The following PITPNM3 variants were observed in gnomAD, a reference collection of about 807,000 sequenced individuals.
PITPNM3 encodes the protein PITPNM family member 3, also known as membrane-associated phosphatidylinositol transfer protein 3.
A neutral mutation model predicts 102.0 loss-of-function variants in PITPNM3; 26 were observed. That is an observed-to-expected ratio of 0.25 (90% CI 0.19 to 0.35). PITPNM3 has a LOEUF of 0.35. Among genes scored for constraint, PITPNM3 ranks in the 10% least tolerant of loss-of-function variants. The probability of loss-of-function intolerance (pLI) is 1.00; values close to 1 mark genes in which losing one functional copy is unlikely to be tolerated. For missense variants in PITPNM3, 1,083 were observed against 1,346.1 expected, an observed-to-expected ratio of 0.80 and a Z score of 3.06; for synonymous variants, 578 against 558.6, an observed-to-expected ratio of 1.03 and a Z score of -0.49.
chr17:6,463,598 C>T (rs550546695), intron 17 of PITPNM3, 134 bp downstream of exon 17: 13 of 1,307,522 alleles, frequency 9.9e-6, no homozygotes, highest in Middle Eastern at 2.7e-4. Context: ...GGAGGTAAAG[C>T]CAGGGCTTCT....
At chr17:6,553,102 C>T (rs1391433391) in intron 1 of PITPNM3, among the ~76,000 whole-genome samples, 1 of 152,092 alleles carries the variant, frequency 6.6e-6, no homozygotes, top group African/African-American at 2.4e-5. Context: ...CTGTGCCAGC[C>T]TTTAGGGCCC....
intron 4 of PITPNM3, 30 bp downstream of exon 4, chr17:6,503,497 A>C (rs1567679109): frequency 6.2e-7 from 1 of 1,609,676 alleles, no homozygotes; most frequent in Admixed American, 1.7e-5. Flanking sequence ...AAGGGGAAGA[A>C]ATGACCCCAC....
Position 6,451,873 on chromosome 17 carries a change from A to ACCCCCCC in PITPNM3, c.*3458_*3464dup, listed in dbSNP as rs750929247. ...GGTTTCCAGGGCACTTGGCACCCAA[A>ACCCCCCC]CCCCCCCCCCCCGCCCGCCGATGGG... On this transcript the variant is annotated 3_prime_UTR_variant, in exon 20 of 20. Transcript: ENST00000262483. The ACCCCCCC allele has an allele frequency of 2.3e-5, 1 of 43,940 alleles. No homozygotes were observed. The highest frequency in any genetic ancestry group is 4.6e-5 in the Non-Finnish European group (1 of 21,662). The allele number at this position is 43,940 out of a possible 1,614,324, so 2.7% of individuals were successfully genotyped here.
At chr17:6,476,187 G>A (rs1418558436) in intron 9 of PITPNM3, among the ~76,000 whole-genome samples, 1 of 152,048 alleles carries the variant, frequency 6.6e-6, no homozygotes, top group African/African-American at 2.4e-5. Context: ...GATCTTAAAA[G>A]CATGTAGAAG....
At position 6,463,797 on chromosome 17, in the gene PITPNM3, G is replaced by A. The variant is rs370579576; in HGVS notation, c.2241C>T (p.Phe747=). Residue 747 remains phenylalanine (F), a synonymous_variant, in exon 17 of 20, where the codon TTC becomes TTT. Coordinates refer to ENST00000262483, the MANE Select transcript of PITPNM3 (RefSeq NM_031220.4). ...TTCCCATGATAGACACGCTGGCCGC[G>A]AAGGACCCATCAATGCTGAACACTA... The part of the protein sequence containing the change: ...ECVVFSIDGS[F]AASVSIMGSD... 90 of 1,613,328 alleles carry A rather than the reference G, an allele frequency of 5.6e-5. No homozygotes were observed. Among genetic ancestry groups the A allele is most frequent in the Middle Eastern group, 1.8e-4 (1 of 5,598 alleles).
At chr17:6,512,210 G>C (rs761949240) in intron 3 of PITPNM3, among the ~76,000 whole-genome samples, 3 of 152,162 alleles carry the variant, frequency 2.0e-5, no homozygotes, top group Non-Finnish European at 4.4e-5. Flanking sequence ...GAAGCAACTG[G>C]CTCAACTCAC....
rs1914158918 is a variant in PITPNM3, at chr17:6,457,370, C to T, written c.2619+224G>A. Among the ~76,000 whole-genome samples the T allele has an allele frequency of 6.6e-6, 1 of 152,240 alleles. No homozygotes were observed. Among genetic ancestry groups the T allele is most frequent in the Non-Finnish European group, 1.5e-5 (1 of 68,042 alleles). Reference sequence around the variant, plus strand: ...CCAACTGCAAATGTGTCCATCTCGCCACTACACTGAAGTTCATTGCATCTG... The same window carrying T: ...CCAACTGCAAATGTGTCCATCTCGCTACTACACTGAAGTTCATTGCATCTG... On this transcript the variant is annotated intron_variant, in intron 19 of 19. Coordinates refer to ENST00000262483, the MANE Select transcript of PITPNM3 (RefSeq NM_031220.4). The surrounding 1 kb of genome is among the most constrained non-coding windows in gnomAD (Gnocchi z 4.7).
In PITPNM3 at chr17:6,536,178, G is replaced by T. The variant is rs976426945; in HGVS notation, c.118+1809C>A. On this transcript the variant is annotated intron_variant, in intron 2 of 19. Transcript: ENST00000262483. ...GGCCGATTTCACGGCAGAACAAGCCGTGAGATGGGAGGGAGAGGACAGAGA... is the reference window on the plus strand; with the variant it reads ...GGCCGATTTCACGGCAGAACAAGCCTTGAGATGGGAGGGAGAGGACAGAGA... Among the ~76,000 whole-genome samples, 3 of 152,286 alleles carry T rather than the reference G, an allele frequency of 2.0e-5. 1 individual carries two copies. The Middle Eastern group carries it at 0.01, about 518-fold the overall frequency.
chr17:6,501,667 C>T (rs755663282), intron 4 of PITPNM3, among the ~76,000 whole-genome samples: 2 of 152,282 alleles, frequency 1.3e-5, no homozygotes, highest in Non-Finnish European at 2.9e-5. Context: ...CTGCCCACCA[C>T]CTCCCTGGGC....
chr17:6,464,682 G>A lies in PITPNM3; in HGVS notation c.1980C>T (p.Leu660=), dbSNP rs750855285. 1.2e-5 allele frequency: 19 copies of A among 1,613,970 alleles called. No individual in the cohort carries two copies. The highest frequency in any genetic ancestry group is 2.2e-5 in the East Asian group (1 of 44,894). Residue 660 remains leucine, a synonymous_variant, in exon 15 of 20, where the codon CTC becomes CTT. Transcript: ENST00000262483. ...TCTCTCCAGTCAGAGCCACCATGTC[G>A]AGGGGCCCGTACATGAACCGCCCCA... The part of the protein sequence containing the change: ...VLVGRFMYGP[L]DMVALTGEKV...
Position 6,478,055 on chromosome 17 carries a change from C to T in PITPNM3, c.820G>A (p.Asp274Asn), listed in dbSNP as rs750153181. The T allele has an allele frequency of 1.2e-6, 2 of 1,613,762 alleles. No individual in the cohort carries two copies. Among genetic ancestry groups the T allele is most frequent in the Non-Finnish European group, 8.5e-7 (1 of 1,180,042 alleles). Residue 274 changes from aspartate to asparagine, a missense_variant, in exon 8 of 20, where the codon GAT becomes AAT. By Grantham distance (23) the Asp-to-Asn change is conservative. Around this residue, in one of 5 missense-constraint regions of PITPNM3, gnomAD observed 172 missense variants for 175.6 expected, o/e 0.98. Coordinates refer to ENST00000262483, the MANE Select transcript of PITPNM3 (RefSeq NM_031220.4). The surrounding 1 kb of genome is among the most constrained non-coding windows in gnomAD (Gnocchi z 4.4). ...GGCCCCGCACTGTAGCAGATGGCAT[C>T]GAAGGCCAGGAGGCCCCCCACACAG... ...GDCVGGLLAF[D>N]AICYSAGPSG...
chr17:6,526,865 G>A (rs369473387), intron 2 of PITPNM3, among the ~76,000 whole-genome samples: 3 of 152,336 alleles, frequency 2.0e-5, no homozygotes, highest in East Asian at 1.9e-4. Context: ...ACTATTTCAA[G>A]AGTCCTGAAA....
At chr17:6,524,799 AGATGGATAGATG>A (rs745644246) in intron 3 of PITPNM3, among the ~76,000 whole-genome samples, 7 of 152,212 alleles carry the variant, frequency 4.6e-5, no homozygotes, top group African/African-American at 9.6e-5. Context: ...ATAGCCAAAC[AGATGGATAGATG>A]GATGCCAAAA....
At chr17:6,474,124 G>A (rs12953140) in intron 10 of PITPNM3, among the ~76,000 whole-genome samples, 42,135 of 151,826 alleles carry the variant, frequency 0.28, 5,936 homozygotes, top group East Asian at 0.36. Flanking sequence ...GGAGGCAAGA[G>A]GTTGAATATT....
Position 6,472,610 on chromosome 17 carries a change from GC to G in PITPNM3, c.1429+46del. 6.3e-7 allele frequency: 1 copy of G among 1,585,990 alleles called. No individual in the cohort carries two copies. The highest frequency in any genetic ancestry group is 8.6e-7 in the Non-Finnish European group (1 of 1,166,944). On this transcript the variant is annotated intron_variant, in intron 11 of 19. Coordinates refer to ENST00000262483, the MANE Select transcript of PITPNM3 (RefSeq NM_031220.4). This position sits in a 1 kb window ranked among gnomAD's most constrained non-coding sequence, Gnocchi z 4.1. ...GCTTGGAGGGGTTGAATGGGCTGGG[GC>G]CCCACCTCCAGCTCAGCACACTCTC...
At chr17:6,542,321 C>G (rs1193838550) in intron 1 of PITPNM3, among the ~76,000 whole-genome samples, 1 of 152,212 alleles carries the variant, frequency 6.6e-6, no homozygotes, top group African/African-American at 2.4e-5. Context: ...GCATCTGTCC[C>G]TGTGTCTGCT....
intron 1 of PITPNM3, among the ~76,000 whole-genome samples, chr17:6,552,960 C>T (rs558982992): frequency 2.0e-4 from 30 of 152,020 alleles, no homozygotes; most frequent in East Asian, 3.9e-4. Context: ...TTAGTAGAGA[C>T]GGGGTTTCAC....
intron 1 of PITPNM3, among the ~76,000 whole-genome samples, chr17:6,553,856 T>TAGAA (rs2150686691): frequency 2.0e-5 from 3 of 152,224 alleles, no homozygotes; most frequent in South Asian, 4.2e-4. Flanking sequence ...TCCTTGGGCC[T>TAGAA]CAGTTTCCCC....
At position 6,452,762 on chromosome 17, in the gene PITPNM3, T is replaced by G. The variant is rs527503619; in HGVS notation, c.*2576A>C. ...ATCTCACCGTACACCATCAGCATCT[T>G]GTGTGTGCATCATCAGCCAAAGCCC... is the stretch of plus-strand genomic sequence containing the variant. On this transcript the variant is annotated 3_prime_UTR_variant, in exon 20 of 20. Coordinates refer to ENST00000262483, the MANE Select transcript of PITPNM3 (RefSeq NM_031220.4). The G allele has an allele frequency of 2.0e-5, 3 of 152,210 alleles. No homozygotes were observed. Among genetic ancestry groups the G allele is most frequent in the Non-Finnish European group, 4.4e-5 (3 of 68,044 alleles). 9.4% of individuals were successfully genotyped at this position (152,210 alleles called of 1,614,324 possible). A position where few individuals can be genotyped will look rare whatever the true frequency, so the allele number is the denominator to read the frequency against.
Sources: gnomAD v4.1 joint callset for allele counts (sites outside exome capture counted in the v4.1 genomes callset) on GRCh38, gnomAD v4.1.1 for gene constraint, gnomAD v4.1.1 regional missense constraint, Gnocchi (gnomAD v3.1) non-coding constraint, MANE v1.5 for transcripts, NCBI Gene and HGNC (gene_info 2026-07-23, HGNC 2026-07-21) for gene names.